RIC3: variants seen among roughly 807,000 people sequenced by gnomAD.
The protein encoded by RIC3 is RIC3 acetylcholine receptor chaperone.
A neutral mutation model predicts 27.3 loss-of-function variants in RIC3; 28 were observed. The observed-to-expected ratio is 1.02, with a 90% CI of 0.76 to 1.41. RIC3 has a LOEUF of 1.41. Among genes scored for constraint, RIC3 ranks in the 40% most tolerant of loss-of-function variants. The pLI is 0.00. For synonymous variants in RIC3, 184 were observed against 160.4 expected (o/e 1.15, Z -1.11); for missense variants, 501 against 444.7 (o/e 1.13, Z -1.14).
Position 8,106,211 on chromosome 11 carries a change from A to G in RIC3, c.*4487T>C, listed in dbSNP as rs1048096831. On this transcript the variant is annotated 3_prime_UTR_variant, in exon 6 of 6. Transcript: ENST00000309737. ...TTAGTGTTTGTCTAAGTACACACAT[A>G]TATCAACAAATTAAACTTGAATCGT... 3 of 152,152 alleles carry G rather than the reference A, an allele frequency of 2.0e-5. No homozygotes were observed. The highest frequency in any genetic ancestry group is 4.8e-5 in the African/African-American group (2 of 41,468). The allele number at this position is 152,152 out of a possible 1,614,324, so 9.4% of individuals were successfully genotyped here. A position where few individuals can be genotyped will look rare whatever the true frequency, so the allele number is the denominator to read the frequency against.
intron 4 of RIC3, among the ~76,000 whole-genome samples, chr11:8,130,683 A>G (rs139170824): frequency 5.5e-4 from 84 of 152,274 alleles, no homozygotes; most frequent in Middle Eastern, 6.8e-3. Context: ...TCTATATATT[A>G]CTGTAAGAGT....
At chr11:8,158,863 G>A (rs1950920703) in intron 1 of RIC3, among the ~76,000 whole-genome samples, 1 of 146,988 alleles carries the variant, frequency 6.8e-6, no homozygotes, top group Admixed American at 6.9e-5. Flanking sequence ...CTCCCGAATA[G>A]CTGGGATTAC....
downstream of RIC3, chr11:8,102,947 C>G (rs1041615593): frequency 6.6e-6 from 1 of 152,190 alleles, no homozygotes; most frequent in Non-Finnish European, 1.5e-5. Context: ...CCCACTTCCC[C>G]CGATTCAGAG....
At chr11:8,120,431 A>G (rs985300693) in intron 5 of RIC3, among the ~76,000 whole-genome samples, 2 of 152,272 alleles carry the variant, frequency 1.3e-5, no homozygotes, top group African/African-American at 4.8e-5. Flanking sequence ...TCAGTAAACT[A>G]TGACAAGGAC....
the RIC3 span, chr11:8,100,771 G>C: frequency 1.2e-6 from 2 of 1,603,050 alleles, no homozygotes; most frequent in South Asian, 2.2e-5. Context: ...TCCCTTTCTG[G>C]GGTGGTCATG....
the RIC3 span, chr11:8,095,544 A>G: frequency 1.2e-6 from 2 of 1,613,200 alleles, no homozygotes; most frequent in Non-Finnish European, 1.7e-6. Context: ...CTGAGGCCCA[A>G]GGCCCAGTGC....
chr11:8,130,448 C>T (rs1947553601), intron 4 of RIC3, among the ~76,000 whole-genome samples: 1 of 152,178 alleles, frequency 6.6e-6, no homozygotes, highest in Non-Finnish European at 1.5e-5. Flanking sequence ...TTCAGCTGTT[C>T]CTTTGATATT....
At chr11:8,098,504 A>C in the RIC3 span, among the ~76,000 whole-genome samples, 1 of 152,118 alleles carries the variant, frequency 6.6e-6, no homozygotes, top group Non-Finnish European at 1.5e-5. Context: ...AAATCTTCTG[A>C]AGAATCCTGA....
rs770629073 is a variant in RIC3 at position 8,106,962 on chromosome 11, CACAG to C, written c.*3732_*3735del. 10 of 152,192 alleles carry C rather than the reference CACAG, an allele frequency of 6.6e-5. No individual in the cohort carries two copies. The highest frequency in any genetic ancestry group is 1.5e-4 in the Non-Finnish European group (10 of 68,036). 9.4% of individuals were successfully genotyped at this position (152,192 alleles called of 1,614,324 possible). Reference sequence around the variant, plus strand: ...GCACCTACCACATGCTTTGCCCTGGCACAGACACTTTATAAACAGCATCTTATTT... The same window carrying C: ...GCACCTACCACATGCTTTGCCCTGGCACACTTTATAAACAGCATCTTATTT... On this transcript the variant is annotated 3_prime_UTR_variant, in exon 6 of 6. Transcript: ENST00000309737.
In RIC3 at chr11:8,137,483, G is replaced by A; in HGVS notation, c.428-12C>T. 7.5e-6 allele frequency: 12 copies of A among 1,610,464 alleles called. No homozygotes were observed. The highest frequency in any genetic ancestry group is 1.0e-5 in the Non-Finnish European group (12 of 1,177,390). ...AAGCTCAAAACTGGCTAAAAAATAA[G>A]CAACAATCTAAGAACCATCAGAGAC... On this transcript the variant is annotated splice_polypyrimidine_tract_variant and intron_variant, in intron 3 of 5. Transcript: ENST00000309737.
chr11:8,127,468 C>T (rs556836313), intron 4 of RIC3, among the ~76,000 whole-genome samples: 9 of 152,276 alleles, frequency 5.9e-5, no homozygotes, highest in South Asian at 2.1e-4. Flanking sequence ...TTGCATTCTG[C>T]GCAATTCTTG....
At chr11:8,133,759 G>C (rs189927792) in intron 4 of RIC3, among the ~76,000 whole-genome samples, 2 of 152,300 alleles carry the variant, frequency 1.3e-5, no homozygotes, top group Non-Finnish European at 2.9e-5. Flanking sequence ...GGGATGAAGA[G>C]GACAGACAGT....
At chr11:8,165,743 T>G (rs1951623969) in intron 1 of RIC3, among the ~76,000 whole-genome samples, 1 of 150,372 alleles carries the variant, frequency 6.7e-6, no homozygotes, top group Middle Eastern at 3.2e-3. Flanking sequence ...CTCCTCTATG[T>G]TCTATGAAAC....
chr11:8,104,873 T>C (rs746115251), downstream of RIC3: 2 of 151,640 alleles, frequency 1.3e-5, no homozygotes, highest in Non-Finnish European at 2.9e-5. Flanking sequence ...AAGAGAACTT[T>C]CGGAGCCTGC....
Position 8,138,273 on chromosome 11 carries a change from A to G in RIC3, c.426T>C (p.Ile142=), listed in dbSNP as rs774913679. 2 of 1,609,470 alleles carry G rather than the reference A, an allele frequency of 1.2e-6. No individual in the cohort carries two copies. The highest frequency in any genetic ancestry group is 1.6e-4 in the Middle Eastern group (1 of 6,076). The change falls in exon 3 of 6, where the codon ATT becomes ATC. Residue 142 remains isoleucine, a splice_region_variant and synonymous_variant. Transcript: ENST00000309737. ...AATATACTGAGAAGGGGCACTTACTAATTTTCCTGTGGGTGTTTCCAGGCA... is the reference window on the plus strand; with the variant it reads ...AATATACTGAGAAGGGGCACTTACTGATTTTCCTGTGGGTGTTTCCAGGCA... ...TAMPGNTHRK[I]TSFELAQLQE...
intron 5 of RIC3, among the ~76,000 whole-genome samples, chr11:8,123,953 A>T (rs1946735228): frequency 6.6e-6 from 1 of 150,964 alleles, no homozygotes; most frequent in South Asian, 2.1e-4. Context: ...GCATGCCTGT[A>T]GGCTCAGCTA....
At chr11:8,101,673 T>G (rs1405463691), downstream of RIC3, 13 of 1,598,528 alleles carry the variant, frequency 8.1e-6, no homozygotes, top group Non-Finnish European at 1.1e-5. Context: ...CTTGCCTGCC[T>G]GCCTGTGGAG....
intron 5 of RIC3, among the ~76,000 whole-genome samples, chr11:8,120,372 G>T (rs1335228466): frequency 6.6e-6 from 1 of 152,208 alleles, no homozygotes; most frequent in African/African-American, 2.4e-5. Context: ...AAAAAAGGAT[G>T]AGTTCATGTC....
the RIC3 span, chr11:8,099,005 G>A: frequency 6.9e-5 from 50 of 729,298 alleles, no homozygotes; most frequent in Admixed American, 1.7e-4. Flanking sequence ...GCTGTCCTCT[G>A]TGGAGTGTTC....
Sources: gnomAD v4.1 joint callset for allele counts (sites outside exome capture counted in the v4.1 genomes callset) on GRCh38, gnomAD v4.1.1 for gene constraint, MANE v1.5 for transcripts, NCBI Gene and HGNC (gene_info 2026-07-23, HGNC 2026-07-21) for gene names.